IGFL2: variants seen among roughly 807,000 people sequenced by gnomAD.
The protein encoded by IGFL2 is insulin growth factor-like family member 2.
In IGFL2, 7 loss-of-function variants were observed where a neutral mutation model predicts 13.9. The observed-to-expected ratio is 0.51, with a 90% CI of 0.29 to 0.95. IGFL2 has a LOEUF of 0.95. IGFL2 is among the 40% of genes least tolerant of loss of function. The probability of loss-of-function intolerance (pLI) is 0.08; values close to 1 mark genes in which losing one functional copy is unlikely to be tolerated. For missense variants in IGFL2, 138 were observed against 147.8 expected (o/e 0.93, Z 0.34); for synonymous variants, 55 against 55.8 (o/e 0.99, Z 0.07).
the IGFL2 span, among the ~76,000 whole-genome samples, chr19:46,083,414 A>C: frequency 6.6e-6 from 1 of 152,236 alleles, no homozygotes; most frequent in African/African-American, 2.4e-5. Flanking sequence ...TATCCCATAA[A>C]GACTAAAGTG....
chr19:46,114,936 G>A, the IGFL2 span, among the ~76,000 whole-genome samples: 1 of 152,130 alleles, frequency 6.6e-6, no homozygotes, highest in Admixed American at 6.5e-5. Flanking sequence ...CCAGAAATTT[G>A]CATTTTCATC....
chr19:46,124,010 A>C, the IGFL2 span: 1 of 1,611,616 alleles, frequency 6.2e-7, no homozygotes, highest in Non-Finnish European at 8.5e-7. Flanking sequence ...AAGCAGGGCC[A>C]GAAGGTGCAG....
chr19:46,149,160 CTTCTCTCTCTCTCTCTTCTCTCTCTCTT>C, intron 1 of IGFL2: 12 of 679,128 alleles, frequency 1.8e-5, no homozygotes, highest in Non-Finnish European at 3.2e-5. Flanking sequence ...CCCTCTCTCT[CTTCTCTCTCTCTCTCTTCTCTCTCTCTT>C]TCTCTCTCCC....
chr19:46,135,142 CAT>C, the IGFL2 span, among the ~76,000 whole-genome samples: 5 of 152,176 alleles, frequency 3.3e-5, no homozygotes, highest in Admixed American at 6.5e-5. Flanking sequence ...CACAGATTCT[CAT>C]AATGTTAACA....
chr19:46,121,580 A>G, the IGFL2 span, among the ~76,000 whole-genome samples: 1 of 150,512 alleles, frequency 6.6e-6, no homozygotes, highest in East Asian at 2.0e-4. Context: ...ACAAGAAGAG[A>G]GGAAAGATGT....
chr19:46,091,880 T>A, the IGFL2 span, among the ~76,000 whole-genome samples: 5 of 152,218 alleles, frequency 3.3e-5, no homozygotes, highest in African/African-American at 7.2e-5. Flanking sequence ...TAAATTTTTA[T>A]ATAAAAATAA....
At chr19:46,128,170 A>C in the IGFL2 span, among the ~76,000 whole-genome samples, 1 of 152,174 alleles carries the variant, frequency 6.6e-6, no homozygotes, top group African/African-American at 2.4e-5. Context: ...CATTGTACAA[A>C]AAATGTACAT....
chr19:46,108,397 G>T, the IGFL2 span, among the ~76,000 whole-genome samples: 2 of 152,140 alleles, frequency 1.3e-5, no homozygotes, highest in East Asian at 1.9e-4. Context: ...CCATTTTCTG[G>T]CCATTTAGAG....
At chr19:46,119,883 T>C in the IGFL2 span, among the ~76,000 whole-genome samples, 1 of 150,714 alleles carries the variant, frequency 6.6e-6, no homozygotes, top group Admixed American at 6.6e-5. Context: ...AACTGTGTAC[T>C]GGCCCTGCAG....
the IGFL2 span, among the ~76,000 whole-genome samples, chr19:46,173,179 G>T: frequency 6.6e-6 from 1 of 152,196 alleles, no homozygotes; most frequent in African/African-American, 2.4e-5. Context: ...TTTGAATGGG[G>T]TGGACTGTGC....
rs148740742 is a variant in IGFL2 at position 46,152,096 on chromosome 19, A to G, written c.19+3799A>G. 7.4e-4 allele frequency among the ~76,000 whole-genome samples: 112 copies of G among 152,200 alleles called. 2 individuals carry two copies. The East Asian group carries it at 0.02, about 27-fold the overall frequency. ...ACAAATCTTGCACCTCTTCTGTTCAATTTATTCATAAGTATTTTATTCTCT... is the reference window on the plus strand; with the variant it reads ...ACAAATCTTGCACCTCTTCTGTTCAGTTTATTCATAAGTATTTTATTCTCT... On this transcript the variant is annotated intron_variant, in intron 1 of 3. Transcript: ENST00000377693.
chr19:46,126,540 T>A, the IGFL2 span, among the ~76,000 whole-genome samples: 1 of 152,254 alleles, frequency 6.6e-6, no homozygotes, highest in African/African-American at 2.4e-5. Flanking sequence ...CAAAATGTGA[T>A]ACTCTTCATC....
upstream of IGFL2, among the ~76,000 whole-genome samples, chr19:46,138,936 A>G (rs1215323677): frequency 6.6e-6 from 1 of 151,528 alleles, no homozygotes; most frequent in African/African-American, 2.4e-5. Context: ...GCTGTTTCCA[A>G]ACCAGACTCT....
intron 1 of IGFL2, among the ~76,000 whole-genome samples, chr19:46,153,919 A>G (rs1010380197): frequency 6.6e-6 from 1 of 151,370 alleles, no homozygotes; most frequent in Admixed American, 6.6e-5. Flanking sequence ...TGTTTCACCT[A>G]TCAACCCGTC....
the IGFL2 span, among the ~76,000 whole-genome samples, chr19:46,117,292 C>T: frequency 3.9e-5 from 6 of 152,064 alleles, no homozygotes; most frequent in Admixed American, 2.6e-4. Flanking sequence ...ACTATGTTGC[C>T]CAGGCTGGTC....
chr19:46,206,008 T>C, the IGFL2 span, among the ~76,000 whole-genome samples: 1 of 152,160 alleles, frequency 6.6e-6, no homozygotes, highest in Non-Finnish European at 1.5e-5. Context: ...AATGTTGTTG[T>C]CATACAGGGA....
At chr19:46,167,449 C>A in the IGFL2 span, among the ~76,000 whole-genome samples, 1 of 152,118 alleles carries the variant, frequency 6.6e-6, no homozygotes, top group African/African-American at 2.4e-5. Flanking sequence ...TGCTGCTATG[C>A]CTTGACTTGT....
the IGFL2 span, among the ~76,000 whole-genome samples, chr19:46,080,011 G>C: frequency 1.3e-5 from 2 of 151,528 alleles, no homozygotes; most frequent in Admixed American, 6.6e-5. Flanking sequence ...GAAAACGTGC[G>C]TCAGAGGGCC....
the IGFL2 span, among the ~76,000 whole-genome samples, chr19:46,167,946 T>C: frequency 2.0e-5 from 3 of 152,236 alleles, no homozygotes; most frequent in Admixed American, 6.5e-5. Flanking sequence ...AATTAACTTC[T>C]GTTGTTTAAG....
Sources: allele counts gnomAD v4.1 joint callset (sites outside exome capture counted in the v4.1 genomes callset), GRCh38; gene constraint gnomAD v4.1.1; transcripts MANE v1.5; gene names NCBI Gene and HGNC (gene_info 2026-07-23, HGNC 2026-07-21).